Variants in FRMD5 observed in about 807,000 individuals in gnomAD.
FRMD5 encodes the protein FERM domain containing 5.
A neutral mutation model predicts 69.0 loss-of-function variants in FRMD5; 20 were observed. The observed-to-expected ratio is 0.29, with a 90% CI of 0.20 to 0.42. The LOEUF is 0.42. FRMD5 is among the 10% of genes least tolerant of loss of function. FRMD5 has a pLI of 1.00. For synonymous variants in FRMD5, 271 were observed against 260.1 expected, an observed-to-expected ratio of 1.04 and a Z score of -0.40; for missense variants, 595 against 708.6, an observed-to-expected ratio of 0.84 and a Z score of 1.82.
intron 13 of FRMD5, chr15:43,875,809 T>TG (rs2088332229): frequency 2.8e-6 from 1 of 361,478 alleles, no homozygotes; most frequent in Non-Finnish European, 5.0e-6. Context: ...GCCTAGTTTT[T>TG]TTTTTTTTTT....
At chr15:43,914,133 G>A (rs990964205) in intron 4 of FRMD5, among the ~76,000 whole-genome samples, 1 of 152,156 alleles carries the variant, frequency 6.6e-6, no homozygotes, top group Non-Finnish European at 1.5e-5. Context: ...TGTGTAACAC[G>A]AACATCTCTC....
intron 1 of FRMD5, among the ~76,000 whole-genome samples, chr15:44,108,786 A>G (rs1015247002): frequency 9.2e-5 from 14 of 151,976 alleles, no homozygotes; most frequent in Non-Finnish European, 1.8e-4. Context: ...CAACACAGTG[A>G]GACACCTCTA....
intron 1 of FRMD5, chr15:44,063,793 A>T: frequency 3.1e-6 from 1 of 319,528 alleles, no homozygotes; most frequent in Non-Finnish European, 6.1e-6. Flanking sequence ...CACTAATTAC[A>T]TCATGGAGTC....
At chr15:44,179,926 C>A (rs1566988720) in intron 1 of FRMD5, among the ~76,000 whole-genome samples, 1 of 152,086 alleles carries the variant, frequency 6.6e-6, no homozygotes, top group Non-Finnish European at 1.5e-5. Context: ...ATAATCCCAG[C>A]CACTTCGGAA....
chr15:43,946,069 A>T (rs2089942204), intron 1 of FRMD5, among the ~76,000 whole-genome samples: 2 of 151,862 alleles, frequency 1.3e-5, no homozygotes, highest in South Asian at 4.2e-4. Flanking sequence ...AAAAAAAAAA[A>T]TTCCCCAAAG....
At chr15:43,933,783 C>T (rs1235963104) in intron 1 of FRMD5, among the ~76,000 whole-genome samples, 10 of 152,178 alleles carry the variant, frequency 6.6e-5, no homozygotes, top group Admixed American at 5.9e-4. Flanking sequence ...CTTGCAAGTT[C>T]GAGTCCCCAA....
intron 1 of FRMD5, among the ~76,000 whole-genome samples, chr15:43,986,593 T>C (rs2140641737): frequency 6.6e-6 from 1 of 152,268 alleles, no homozygotes; most frequent in South Asian, 2.1e-4. Context: ...AAGTGTAAAA[T>C]ATTGGAAGCT....
intron 1 of FRMD5, among the ~76,000 whole-genome samples, chr15:44,187,257 T>G (rs1159587282): frequency 1.3e-5 from 2 of 152,232 alleles, no homozygotes; most frequent in African/African-American, 4.8e-5. Flanking sequence ...ATAATGCCAT[T>G]GCTTTGTGAA....
chr15:44,053,045 T>G (rs1338577378), intron 1 of FRMD5, among the ~76,000 whole-genome samples: 1 of 152,130 alleles, frequency 6.6e-6, no homozygotes, highest in Non-Finnish European at 1.5e-5. Context: ...TATGAGATAA[T>G]ACTGCAGGGA....
intron 1 of FRMD5, among the ~76,000 whole-genome samples, chr15:44,024,730 A>C (rs2140263128): frequency 6.6e-6 from 1 of 152,326 alleles, no homozygotes; most frequent in East Asian, 1.9e-4. Flanking sequence ...ATATCTTCTC[A>C]AAGTCTGTTA....
chr15:43,945,506 G>T (rs1000477451), intron 1 of FRMD5, among the ~76,000 whole-genome samples: 2 of 152,092 alleles, frequency 1.3e-5, no homozygotes, highest in African/African-American at 4.8e-5. Context: ...ACTTTTACTT[G>T]TTACAGTGGA....
At chr15:44,003,699 T>C (rs1409487929) in intron 1 of FRMD5, among the ~76,000 whole-genome samples, 3 of 152,214 alleles carry the variant, frequency 2.0e-5, no homozygotes, top group African/African-American at 7.2e-5. Flanking sequence ...CTGACTACCG[T>C]ATTTGATACG....
intron 1 of FRMD5, among the ~76,000 whole-genome samples, chr15:43,973,183 T>C (rs62023687): frequency 6.6e-6 from 1 of 151,042 alleles, no homozygotes; most frequent in African/African-American, 2.4e-5. Context: ...CCACCACGCC[T>C]GGCTAATTTT....
intron 1 of FRMD5, among the ~76,000 whole-genome samples, chr15:44,055,829 G>A (rs543016976): frequency 6.6e-6 from 1 of 152,250 alleles, no homozygotes; most frequent in East Asian, 1.9e-4. Context: ...ACATTAACTG[G>A]ATTAAACTAA....
chr15:43,976,612 C>G (rs2090466512), intron 1 of FRMD5, among the ~76,000 whole-genome samples: 1 of 152,288 alleles, frequency 6.6e-6, no homozygotes, highest in South Asian at 2.1e-4. Context: ...GCATCCCAGT[C>G]AGGAATCTGG....
intron 1 of FRMD5, among the ~76,000 whole-genome samples, chr15:43,945,873 C>T (rs755427042): frequency 2.4e-4 from 37 of 152,130 alleles, no homozygotes; most frequent in Non-Finnish European, 4.1e-4. Context: ...CTGGCCAAGA[C>T]GGTGAAACCC....
chr15:44,039,070 G>A (rs1027454594), intron 1 of FRMD5, among the ~76,000 whole-genome samples: 7 of 152,096 alleles, frequency 4.6e-5, no homozygotes, highest in African/African-American at 9.7e-5. Context: ...AAAGCCTCTC[G>A]TAAGTCTGAA....
At chr15:44,123,104 G>C (rs1333874953) in intron 1 of FRMD5, among the ~76,000 whole-genome samples, 1 of 152,002 alleles carries the variant, frequency 6.6e-6, no homozygotes, top group Non-Finnish European at 1.5e-5. Context: ...CAGCACTTTG[G>C]GAGGCCAAGG....
At chr15:44,034,185 A>T (rs1447143917) in intron 1 of FRMD5, among the ~76,000 whole-genome samples, 2 of 152,208 alleles carry the variant, frequency 1.3e-5, no homozygotes, top group Admixed American at 6.5e-5. Flanking sequence ...TCAATGAAAA[A>T]TATGCTCCTT....
Sources: allele counts gnomAD v4.1 joint callset (sites outside exome capture counted in the v4.1 genomes callset), GRCh38; gene constraint gnomAD v4.1.1; transcripts MANE v1.5; gene names NCBI Gene and HGNC (gene_info 2026-07-23, HGNC 2026-07-21).